Variants in TMEM178B observed in about 807,000 individuals in gnomAD.
TMEM178B encodes transmembrane protein 178B.
In TMEM178B, 5 loss-of-function variants were observed where a neutral mutation model predicts 31.0. The ratio of observed to expected loss-of-function variants is 0.16; its 90% confidence interval spans 0.08 to 0.34. TMEM178B has a LOEUF of 0.34. TMEM178B is among the 10% of genes least tolerant of loss of function. The pLI, the probability that TMEM178B is intolerant of heterozygous loss-of-function variation, is 1.00. For synonymous variants in TMEM178B, 164 were observed against 164.0 expected (o/e 1.00, Z 0.00); for missense variants, 275 against 400.3 (o/e 0.69, Z 2.67).
At chr7:141,502,557 G>A in the TMEM178B span, among the ~76,000 whole-genome samples, 184 of 152,326 alleles carry the variant, frequency 1.2e-3, no homozygotes, top group African/African-American at 4.2e-3. Flanking sequence ...GATCACCTGA[G>A]GTAGGGAGTT....
intron 2 of TMEM178B, among the ~76,000 whole-genome samples, chr7:141,434,576 G>C (rs533419033): frequency 6.6e-6 from 1 of 152,002 alleles, no homozygotes; most frequent in African/African-American, 2.4e-5. Flanking sequence ...TGATCAAGTC[G>C]GGATATTGAG....
At chr7:141,387,095 G>C (rs1039736240) in intron 2 of TMEM178B, among the ~76,000 whole-genome samples, 1 of 152,138 alleles carries the variant, frequency 6.6e-6, no homozygotes, top group African/African-American at 2.4e-5. Context: ...GAGCTAGGCA[G>C]GCATTTCTCC....
intron 2 of TMEM178B, among the ~76,000 whole-genome samples, chr7:141,233,418 T>C (rs1167352661): frequency 6.6e-6 from 1 of 152,248 alleles, no homozygotes; most frequent in Non-Finnish European, 1.5e-5. Context: ...AGCACTGTTC[T>C]GAGAATAAAT....
chr7:141,140,997 CT>C (rs1436838725), intron 1 of TMEM178B, among the ~76,000 whole-genome samples: 1 of 152,166 alleles, frequency 6.6e-6, no homozygotes, highest in Non-Finnish European at 1.5e-5. Flanking sequence ...AAGGAGGTCA[CT>C]AGACACAGCC....
chr7:141,202,902 G>A (rs1011676180), intron 1 of TMEM178B, among the ~76,000 whole-genome samples: 1 of 152,226 alleles, frequency 6.6e-6, no homozygotes, highest in African/African-American at 2.4e-5. Context: ...TGTGGGGGGT[G>A]TGGGAACCAC....
At chr7:141,434,969 T>C (rs1801506965) in intron 2 of TMEM178B, among the ~76,000 whole-genome samples, 2 of 152,254 alleles carry the variant, frequency 1.3e-5, no homozygotes, top group African/African-American at 2.4e-5. Flanking sequence ...TAGTATTCCA[T>C]TGTGTATATG....
intron 1 of TMEM178B, among the ~76,000 whole-genome samples, chr7:141,109,162 A>G (rs1795194917): frequency 6.6e-6 from 1 of 152,126 alleles, no homozygotes; most frequent in South Asian, 2.1e-4. Flanking sequence ...TGGGTGGGGG[A>G]CACAGAGCCA....
intron 2 of TMEM178B, chr7:141,297,067 A>G (rs1798646708): frequency 6.6e-6 from 1 of 152,210 alleles, no homozygotes; most frequent in African/African-American, 2.4e-5. Context: ...AAAAGAAATA[A>G]CCACCATTGT....
chr7:141,200,685 G>T (rs915541585), intron 1 of TMEM178B, among the ~76,000 whole-genome samples: 1 of 152,150 alleles, frequency 6.6e-6, no homozygotes, highest in Admixed American at 6.5e-5. Context: ...TTTGGATACG[G>T]TTCTTAGACA....
At position 141,405,021 on chromosome 7, in the gene TMEM178B, CCTCT is replaced by C. The variant is rs1800857086; in HGVS notation, c.497-32579_497-32576del. The stretch of plus-strand genomic sequence containing the variant: ...CTGTTCTGGGCCTTTTAGGCCCTAC[CCTCT>C]CTCTCTCCTACATCAGCACAGGCTT... On this transcript the variant is annotated intron_variant, in intron 2 of 3. Transcript: ENST00000565468. 3.3e-5 allele frequency among the ~76,000 whole-genome samples: 5 copies of C among 152,256 alleles called. No homozygotes were observed. The South Asian group carries it at 1.0e-3, about 32-fold the overall frequency.
chr7:141,268,805 G>A (rs1273133881), intron 2 of TMEM178B, among the ~76,000 whole-genome samples: 3 of 152,214 alleles, frequency 2.0e-5, no homozygotes, highest in African/African-American at 7.2e-5. Context: ...CAAGAGCAAA[G>A]GTCATGCATC....
At chr7:141,334,148 C>A (rs560994587) in intron 2 of TMEM178B, among the ~76,000 whole-genome samples, 1 of 152,296 alleles carries the variant, frequency 6.6e-6, no homozygotes, top group South Asian at 2.1e-4. Flanking sequence ...GGGATAGAAA[C>A]CAGTATTGAT....
At chr7:141,204,971 A>G (rs186640822) in intron 1 of TMEM178B, among the ~76,000 whole-genome samples, 46 of 152,066 alleles carry the variant, frequency 3.0e-4, no homozygotes, top group East Asian at 9.7e-4. Flanking sequence ...CAGGTGTGCA[A>G]CACCACACTC....
chr7:141,456,102 A>C (rs1801957018), intron 3 of TMEM178B, among the ~76,000 whole-genome samples: 1 of 152,202 alleles, frequency 6.6e-6, no homozygotes, highest in South Asian at 2.1e-4. Context: ...TAATGGTCTC[A>C]TCCACCACCC....
intron 2 of TMEM178B, among the ~76,000 whole-genome samples, chr7:141,264,661 A>T (rs549601440): frequency 1.3e-5 from 2 of 152,356 alleles, no homozygotes; most frequent in South Asian, 4.1e-4. Context: ...TTTGTCCATC[A>T]GGTGGGTATT....
chr7:141,195,829 C>T (rs1029523531), intron 1 of TMEM178B, among the ~76,000 whole-genome samples: 10 of 152,032 alleles, frequency 6.6e-5, no homozygotes, highest in Non-Finnish European at 1.0e-4. Flanking sequence ...TAGCAGGAGG[C>T]GAAAGGCACT....
chr7:141,185,802 C>T (rs1796601414), intron 1 of TMEM178B, among the ~76,000 whole-genome samples: 1 of 152,044 alleles, frequency 6.6e-6, no homozygotes, highest in Admixed American at 6.5e-5. Flanking sequence ...CCTCCTCTAC[C>T]CAGCACTTCC....
At chr7:141,403,806 C>T (rs1800830583) in intron 2 of TMEM178B, among the ~76,000 whole-genome samples, 1 of 152,200 alleles carries the variant, frequency 6.6e-6, no homozygotes, top group South Asian at 2.1e-4. Context: ...GTAGTTATTA[C>T]AGACACAAAT....
intron 1 of TMEM178B, among the ~76,000 whole-genome samples, chr7:141,210,049 A>G (rs997019896): frequency 6.6e-6 from 1 of 152,134 alleles, no homozygotes; most frequent in African/African-American, 2.4e-5. Context: ...TACACTCCAC[A>G]TGGGAGGGTG....
Sources: gnomAD v4.1 joint callset for allele counts (sites outside exome capture counted in the v4.1 genomes callset) on GRCh38, gnomAD v4.1.1 for gene constraint, MANE v1.5 for transcripts, NCBI Gene and HGNC (gene_info 2026-07-23, HGNC 2026-07-21) for gene names.